PLCH2: variants seen among roughly 807,000 people sequenced by gnomAD.
PLCH2 encodes 1-phosphatidylinositol 4,5-bisphosphate phosphodiesterase eta-2.
PLCH2 carries 98 observed loss-of-function variants against 134.7 expected under a neutral mutation model. The ratio of observed to expected loss-of-function variants is 0.73; its 90% CI spans 0.62 to 0.86. The LOEUF (loss-of-function observed/expected upper bound fraction) is 0.86, where lower values mean the gene tolerates loss of function less well. Among genes scored for constraint, PLCH2 ranks in the 40% least tolerant of loss-of-function variants. The pLI, the probability that PLCH2 is intolerant of heterozygous loss-of-function variation, is 0.00. For missense variants in PLCH2, 1,994 were observed against 1,986.6 expected (o/e 1.00, Z -0.07); for synonymous variants, 974 against 827.5 (o/e 1.18, Z -3.04).
At chr1:2,499,580 GA>G in intron 19 of PLCH2, 60 bp from the exon 20 acceptor site, 1 of 1,256,178 alleles carries the variant, frequency 8.0e-7, no homozygotes, top group Non-Finnish European at 1.1e-6. Context: ...ATGGGGGGCA[GA>G]GCAGGTGGGG....
At chr1:2,440,316 T>TGGCTGCCGGGGTTGCCCC (rs1639629534) in intron 2 of PLCH2, among the ~76,000 whole-genome samples, 1 of 152,050 alleles carries the variant, frequency 6.6e-6, no homozygotes, top group Non-Finnish European at 1.5e-5. Context: ...CGGTGTGCCC[T>TGGCTGCCGGGGTTGCCCC]GGCTGCCGGG....
chr1:2,481,968 G>A (rs1641994569), intron 4 of PLCH2, among the ~76,000 whole-genome samples: 1 of 152,274 alleles, frequency 6.6e-6, no homozygotes, highest in African/African-American at 2.4e-5. Flanking sequence ...GAACTGCATG[G>A]TGGATAAACA....
intron 2 of PLCH2, among the ~76,000 whole-genome samples, chr1:2,443,711 C>T (rs1639800221): frequency 6.8e-6 from 1 of 148,140 alleles, no homozygotes; most frequent in African/African-American, 2.4e-5. Context: ...GCGGGGCGGG[C>T]AGGGGGTGTG....
intron 2 of PLCH2, among the ~76,000 whole-genome samples, chr1:2,452,507 C>T (rs12075281): frequency 0.015 from 2,350 of 152,320 alleles, 58 homozygotes; most frequent in African/African-American, 0.053. Context: ...GAGCGGCCAC[C>T]GTGAGCAGCA....
intron 2 of PLCH2, among the ~76,000 whole-genome samples, chr1:2,440,999 G>A (rs538131765): frequency 3.2e-4 from 48 of 152,270 alleles, no homozygotes; most frequent in African/African-American, 9.9e-4. Context: ...CCAGGAAACC[G>A]CCCCGACCAT....
chr1:2,499,516 G>A, intron 19 of PLCH2, 125 bp from the exon 20 acceptor site: 1 of 770,828 alleles, frequency 1.3e-6, no homozygotes, highest in South Asian at 1.6e-5. Context: ...GGAGGCAGAG[G>A]CCCCAGGCCT....
At chr1:2,416,030 C>A in the PLCH2 span, among the ~76,000 whole-genome samples, 3 of 152,248 alleles carry the variant, frequency 2.0e-5, no homozygotes, top group Non-Finnish European at 2.9e-5. Flanking sequence ...TCCCCATCCC[C>A]CCACCAACAC....
chr1:2,503,853 TCTCC>T (rs1274906328), intron 21 of PLCH2, 65 bp from the exon 22 acceptor site: 5 of 652,776 alleles, frequency 7.7e-6, no homozygotes, highest in Non-Finnish European at 1.4e-5. Flanking sequence ...TCTCCGCCTC[TCTCC>T]CTGCCTCCCT....
chr1:2,427,137 A>C (rs1255924403), intron 1 of PLCH2, among the ~76,000 whole-genome samples: 1 of 152,192 alleles, frequency 6.6e-6, no homozygotes, highest in Non-Finnish European at 1.5e-5. Context: ...TCAGGGTAGC[A>C]GGGAAGTAGC....
chr1:2,436,293 TTCCTCCTTCTTCCCTCCTCCCTTCCTCCC>T (rs1639358058), intron 2 of PLCH2, among the ~76,000 whole-genome samples: 1 of 55,214 alleles, frequency 1.8e-5, no homozygotes, highest in African/African-American at 7.2e-5. Flanking sequence ...CCCTCCTCCT[TTCCTCCTTCTTCCCTCCTCCCTTCCTCCC>T]TCCTCCCTTC....
chr1:2,459,664 GCCTGTGGTCTTCCTTT>G (rs1557970545), intron 2 of PLCH2, among the ~76,000 whole-genome samples: 1 of 20,012 alleles, frequency 5.0e-5, no homozygotes, highest in East Asian at 9.3e-4. Flanking sequence ...GGTCCTCCTT[GCCTGTGGTCTTCCTTT>G]CCGGTGGTCT....
chr1:2,497,381 A>C, intron 15 of PLCH2, 121 bp from the exon 16 acceptor site: 1 of 674,056 alleles, frequency 1.5e-6, no homozygotes, highest in Non-Finnish European at 2.6e-6. Flanking sequence ...TGGGTGAACG[A>C]GGGGCAGACG....
intron 1 of PLCH2, among the ~76,000 whole-genome samples, chr1:2,428,926 G>C (rs980461465): frequency 6.6e-6 from 1 of 152,250 alleles, no homozygotes; most frequent in Non-Finnish European, 1.5e-5. Context: ...GGTCGAGAGC[G>C]AGCTGGGAGT....
At chr1:2,489,150 C>A in intron 8 of PLCH2, 57 bp from the exon 9 acceptor site, 1 of 1,484,820 alleles carries the variant, frequency 6.7e-7, no homozygotes, top group Non-Finnish European at 9.3e-7. Flanking sequence ...AGAGGTGGGG[C>A]TTACCCATCC....
At chr1:2,490,295 G>C (rs1180499759) in intron 10 of PLCH2, among the ~76,000 whole-genome samples, 1 of 152,198 alleles carries the variant, frequency 6.6e-6, no homozygotes, top group Non-Finnish European at 1.5e-5. Context: ...GTGGCTGGTA[G>C]TACTGCCCAG....
At chr1:2,438,623 AAG>A (rs946404559) in intron 2 of PLCH2, among the ~76,000 whole-genome samples, 1 of 152,136 alleles carries the variant, frequency 6.6e-6, no homozygotes, top group Non-Finnish European at 1.5e-5. Flanking sequence ...CCGATTGCCC[AAG>A]AGAGAGCACC....
chr1:2,422,844 T>C (rs1638586085), upstream of PLCH2, among the ~76,000 whole-genome samples: 1 of 152,190 alleles, frequency 6.6e-6, no homozygotes, highest in African/African-American at 2.4e-5. Context: ...TACCTGGCCC[T>C]GTTTTTCACT....
At chr1:2,460,754 G>C (rs971027587) in intron 2 of PLCH2, among the ~76,000 whole-genome samples, 1 of 152,150 alleles carries the variant, frequency 6.6e-6, no homozygotes, top group Non-Finnish European at 1.5e-5. Context: ...CCAAGGCTGT[G>C]GGGGCCTTTG....
At chr1:2,488,631 G>C (rs756549777) in intron 8 of PLCH2, among the ~76,000 whole-genome samples, 1 of 152,180 alleles carries the variant, frequency 6.6e-6, no homozygotes, top group Non-Finnish European at 1.5e-5. Context: ...ACATACACAT[G>C]GTTAAAAATG....
Sources: gnomAD v4.1 joint callset for allele counts (sites outside exome capture counted in the v4.1 genomes callset) on GRCh38, gnomAD v4.1.1 for gene constraint, MANE v1.5 for transcripts, NCBI Gene and HGNC (gene_info 2026-07-23, HGNC 2026-07-21) for gene names.